THRAP3: variants seen among roughly 807,000 people sequenced by gnomAD.
THRAP3 encodes thyroid hormone receptor associated protein 3, also known as thyroid hormone receptor-associated protein 3.
Under a neutral mutation model 101.0 loss-of-function variants are expected in THRAP3, and 16 were observed. The observed-to-expected ratio is 0.16, with a 90% CI of 0.11 to 0.24. The LOEUF is 0.24. Among genes scored for constraint, THRAP3 ranks in the 10% least tolerant of loss-of-function variants. THRAP3 has a pLI of 1.00. For missense variants in THRAP3, 989 were observed against 1,202.7 expected (o/e 0.82, Z 2.63); for synonymous variants, 407 against 422.6 (o/e 0.96, Z 0.45).
intron 1 of THRAP3, among the ~76,000 whole-genome samples, chr1:36,227,597 G>T (rs980358977): frequency 6.6e-6 from 1 of 152,088 alleles, no homozygotes; most frequent in Non-Finnish European, 1.5e-5. Flanking sequence ...ACAGATGGAG[G>T]GAGGAAGGAA....
intron 1 of THRAP3, among the ~76,000 whole-genome samples, chr1:36,252,943 T>TATATATATATATATATATATATATATAA (rs1017025373): frequency 8.8e-6 from 1 of 113,344 alleles, no homozygotes; most frequent in Non-Finnish European, 2.0e-5. Flanking sequence ...TATATATATA[T>TATATATATATATATATATATATATATAA]ATATATATAT....
upstream of THRAP3, among the ~76,000 whole-genome samples, chr1:36,220,692 G>A (rs548105501): frequency 1.5e-4 from 22 of 150,736 alleles, no homozygotes; most frequent in East Asian, 3.2e-3. Flanking sequence ...AGTGGCTCAC[G>A]CCTGTAATCC....
At chr1:36,215,317 A>G in the THRAP3 span, among the ~76,000 whole-genome samples, 1 of 152,188 alleles carries the variant, frequency 6.6e-6, no homozygotes, top group Non-Finnish European at 1.5e-5. Flanking sequence ...ACCCAGTGGG[A>G]TCCGGCTCCT....
chr1:36,249,322 G>T (rs1222290834), intron 1 of THRAP3, among the ~76,000 whole-genome samples: 2 of 151,564 alleles, frequency 1.3e-5, no homozygotes, highest in Non-Finnish European at 2.9e-5. Context: ...CTCCCGAGTA[G>T]CTGGGACCAC....
Position 36,293,902 on chromosome 1 carries a change from T to C in THRAP3, c.2082T>C (p.Asp694=), listed in dbSNP as rs576756026. 1.2e-6 allele frequency: 2 copies of C among 1,613,842 alleles called. No homozygotes were observed. Among genetic ancestry groups the C allele is most frequent in the Non-Finnish European group, 8.5e-7 (1 of 1,179,818 alleles). ...STFRKHGLAH[D]EMKSPREPGY... ...TCAGAAAACATGGTTTGGCTCATGA[T>C]GAAATGAAAAGTCCCCGGGAACCTG... Residue 694 remains aspartate, a synonymous_variant, in exon 8 of 12, where the codon GAT becomes GAC. Coordinates refer to ENST00000354618, the MANE Select transcript of THRAP3 (RefSeq NM_005119.4).
intron 1 of THRAP3, among the ~76,000 whole-genome samples, chr1:36,226,478 T>G (rs1012583512): frequency 6.6e-6 from 1 of 152,142 alleles, no homozygotes; most frequent in Non-Finnish European, 1.5e-5. Context: ...CAGGCTAGTC[T>G]TGAACTCCTG....
chr1:36,228,770 T>C (rs530563391), intron 1 of THRAP3, among the ~76,000 whole-genome samples: 1 of 152,356 alleles, frequency 6.6e-6, no homozygotes, highest in East Asian at 1.9e-4. Flanking sequence ...GTTCTCCTTC[T>C]ACCATATTCG....
chr1:36,244,878 C>T (rs977266214), intron 1 of THRAP3, among the ~76,000 whole-genome samples: 15 of 151,932 alleles, frequency 9.9e-5, no homozygotes, highest in African/African-American at 2.4e-4. Context: ...CCACCACGCC[C>T]AGCTAATTTT....
intron 1 of THRAP3, among the ~76,000 whole-genome samples, chr1:36,255,348 G>T (rs991868045): frequency 6.6e-6 from 1 of 152,142 alleles, no homozygotes; most frequent in Non-Finnish European, 1.5e-5. Context: ...ATTGCCAGGG[G>T]CCGGGTACTG....
At chr1:36,262,338 T>TA (rs1374900130) in intron 2 of THRAP3, among the ~76,000 whole-genome samples, 1 of 152,218 alleles carries the variant, frequency 6.6e-6, no homozygotes, top group East Asian at 1.9e-4. Flanking sequence ...AAGGAACAGA[T>TA]AAACTAGTAT....
rs140635801 is a variant in THRAP3 at position 36,282,656 on chromosome 1, G to A, written c.93G>A (p.Arg31=). ...GTTCTCGTTCATTTTCGAAGTCTCG[G>A]TCCCGAAGCCGATCTCTCTCTCGTT... The part of the protein sequence containing the change: ...RSRSRSFSKS[R]SRSRSLSRSR... The change falls in exon 3 of 12, where the codon CGG becomes CGA. Residue 31 remains arginine (R), a synonymous_variant. Coordinates refer to ENST00000354618, the MANE Select transcript of THRAP3 (RefSeq NM_005119.4). 9 of 1,613,984 alleles carry A rather than the reference G, an allele frequency of 5.6e-6. No homozygotes were observed. In the African/African-American group the frequency reaches 1.1e-4, roughly 19 times the overall value.
intron 2 of THRAP3, among the ~76,000 whole-genome samples, chr1:36,268,408 CG>C (rs1271001069): frequency 3.0e-4 from 45 of 152,232 alleles, no homozygotes; most frequent in African/African-American, 9.9e-4. Flanking sequence ...GGATAAGAGC[CG>C]GTCCAGTATT....
rs575942043 is a variant in THRAP3, at chr1:36,293,772, G to A, written c.2031-79G>A. 5.2e-5 allele frequency: 65 copies of A among 1,245,498 alleles called. 1 individual carries two copies. In the South Asian group the frequency reaches 7.9e-4, roughly 15 times the overall value. The allele number at this position is 1,245,498 out of a possible 1,614,324, so 77.2% of individuals were successfully genotyped here. A position where few individuals can be genotyped will look rare whatever the true frequency, so the allele number is the denominator to read the frequency against. Reference sequence around the variant, plus strand: ...AAAAATAATGCCTGTGAATCTATTAGCCAACTTAAGAGCTAGAATATTACC... The same window carrying A: ...AAAAATAATGCCTGTGAATCTATTAACCAACTTAAGAGCTAGAATATTACC... On this transcript the variant is annotated intron_variant, in intron 7 of 11. Coordinates refer to ENST00000354618, the MANE Select transcript of THRAP3 (RefSeq NM_005119.4).
intron 8 of THRAP3, among the ~76,000 whole-genome samples, chr1:36,295,078 C>T (rs1645927604): frequency 6.6e-6 from 1 of 152,008 alleles, no homozygotes. Context: ...ACAAAATTAG[C>T]CGGGTGTGGT....
intron 2 of THRAP3, among the ~76,000 whole-genome samples, chr1:36,259,811 G>T (rs1323274272): frequency 6.6e-6 from 1 of 151,596 alleles, no homozygotes; most frequent in South Asian, 2.1e-4. Context: ...CAGATGATTC[G>T]TTAATGGAAG....
Position 36,237,568 on chromosome 1 carries a change from C to A in THRAP3, c.-135+13063C>A, listed in dbSNP as rs959190151. On this transcript the variant is annotated intron_variant, in intron 1 of 11. Transcript: ENST00000354618. ...GGCAGATCACTTGAGGTCAGGAGTTCAAGATCAGCCTGGCCAACATGGTGA... is the reference window on the plus strand; with the variant it reads ...GGCAGATCACTTGAGGTCAGGAGTTAAAGATCAGCCTGGCCAACATGGTGA... Among the ~76,000 whole-genome samples the A allele has an allele frequency of 2.0e-5, 3 of 151,160 alleles. No individual in the cohort carries two copies. The South Asian group carries it at 6.3e-4, about 32-fold the overall frequency.
chr1:36,255,829 GA>G (rs1002903394), intron 1 of THRAP3, among the ~76,000 whole-genome samples: 16 of 150,458 alleles, frequency 1.1e-4, no homozygotes, highest in African/African-American at 3.4e-4. Context: ...GTGAGATAAG[GA>G]AAAAAAAATT....
chr1:36,272,457 T>C (rs898401179), intron 2 of THRAP3, among the ~76,000 whole-genome samples: 5 of 152,148 alleles, frequency 3.3e-5, no homozygotes, highest in African/African-American at 7.2e-5. Context: ...TCTAGAGATA[T>C]CACAGCTGCC....
At chr1:36,295,995 A>G (rs1645945832) in intron 8 of THRAP3, among the ~76,000 whole-genome samples, 6 of 62,582 alleles carry the variant, frequency 9.6e-5, no homozygotes, top group Non-Finnish European at 1.4e-4. Context: ...TTTTTTTGAG[A>G]GATAGTCTTG....
Sources: gnomAD v4.1 joint callset for allele counts (sites outside exome capture counted in the v4.1 genomes callset) on GRCh38, gnomAD v4.1.1 for gene constraint, MANE v1.5 for transcripts, NCBI Gene and HGNC (gene_info 2026-07-23, HGNC 2026-07-21) for gene names.